KCNIP4: variants seen among roughly 807,000 people sequenced by gnomAD.
KCNIP4 encodes Kv channel-interacting protein 4.
Under a neutral mutation model 34.0 loss-of-function variants are expected in KCNIP4, and 12 were observed. That is an observed-to-expected ratio of 0.35 (90% CI 0.23 to 0.57). KCNIP4 has a LOEUF of 0.57. Among genes scored for constraint, KCNIP4 ranks in the 20% least tolerant of loss-of-function variants. The pLI is 0.83. For missense variants in KCNIP4, 238 were observed against 311.7 expected, an observed-to-expected ratio of 0.76 and a Z score of 1.78; for synonymous variants, 124 against 102.2, an observed-to-expected ratio of 1.21 and a Z score of -1.29.
intron 1 of KCNIP4, among the ~76,000 whole-genome samples, chr4:21,514,378 C>A (rs1005196639): frequency 2.5e-4 from 38 of 152,028 alleles, no homozygotes; most frequent in African/African-American, 8.5e-4. Context: ...TTGCTACAAG[C>A]CTAATGTTTT....
At chr4:21,268,265 T>G (rs1761938147) in intron 1 of KCNIP4, among the ~76,000 whole-genome samples, 1 of 152,150 alleles carries the variant, frequency 6.6e-6, no homozygotes, top group African/African-American at 2.4e-5. Context: ...TATTTTGAAA[T>G]GACTCTTTGC....
intron 1 of KCNIP4, among the ~76,000 whole-genome samples, chr4:21,113,310 A>G (rs770959615): frequency 8.5e-5 from 13 of 152,218 alleles, no homozygotes; most frequent in Non-Finnish European, 1.6e-4. Flanking sequence ...AATTCAGCTG[A>G]GGCAAACAGC....
chr4:21,219,174 G>C (rs558987978), intron 1 of KCNIP4, among the ~76,000 whole-genome samples: 2 of 152,218 alleles, frequency 1.3e-5, no homozygotes, highest in South Asian at 4.1e-4. Context: ...CTGTGGCTGG[G>C]GTTCTGATGG....
chr4:20,867,203 C>CA (rs1722962180), intron 2 of KCNIP4, among the ~76,000 whole-genome samples: 5 of 151,916 alleles, frequency 3.3e-5, no homozygotes. Flanking sequence ...ATAGCCAAAG[C>CA]AATCCTATAA....
chr4:21,460,950 A>G (rs6830022), intron 1 of KCNIP4, among the ~76,000 whole-genome samples: 58,930 of 151,876 alleles, frequency 0.39, 11,609 homozygotes, highest in African/African-American at 0.46. Context: ...TGTCTGCAAT[A>G]AGAGAAATAC....
chr4:20,990,995 C>T (rs1577497215), intron 1 of KCNIP4, among the ~76,000 whole-genome samples: 1 of 152,150 alleles, frequency 6.6e-6, no homozygotes, highest in Non-Finnish European at 1.5e-5. Context: ...TGAGTTGTCG[C>T]AATATCTCAA....
At chr4:21,518,638 G>A (rs985796187) in intron 1 of KCNIP4, among the ~76,000 whole-genome samples, 2 of 152,122 alleles carry the variant, frequency 1.3e-5, no homozygotes, top group East Asian at 1.9e-4. Flanking sequence ...CTGTGGTGGA[G>A]AAGAGTCATT....
At chr4:21,816,381 G>A (rs1470849891) in intron 1 of KCNIP4, among the ~76,000 whole-genome samples, 2 of 152,050 alleles carry the variant, frequency 1.3e-5, no homozygotes, top group African/African-American at 2.4e-5. Flanking sequence ...TTGTAAGGGA[G>A]ACACTTAAAA....
intron 1 of KCNIP4, among the ~76,000 whole-genome samples, chr4:21,113,684 C>G (rs750753361): frequency 6.6e-6 from 1 of 152,042 alleles, no homozygotes; most frequent in African/African-American, 2.4e-5. Context: ...GGATTGAATC[C>G]AAATTTGAGC....
chr4:20,948,162 T>G (rs1055179404), intron 1 of KCNIP4, among the ~76,000 whole-genome samples: 2 of 152,198 alleles, frequency 1.3e-5, no homozygotes, highest in African/African-American at 4.8e-5. Flanking sequence ...GCTCCAGATT[T>G]GGACCTTATT....
intron 1 of KCNIP4, among the ~76,000 whole-genome samples, chr4:21,011,681 A>G (rs1183698426): frequency 6.6e-6 from 1 of 152,198 alleles, no homozygotes; most frequent in Admixed American, 6.5e-5. Context: ...TTATCTCCAA[A>G]TCAACAAAAA....
chr4:21,427,472 T>C (rs866504743), intron 1 of KCNIP4, among the ~76,000 whole-genome samples: 32 of 152,180 alleles, frequency 2.1e-4, no homozygotes, highest in African/African-American at 7.5e-4. Context: ...CAGTCTTCCC[T>C]ACACTGCACT....
chr4:21,407,785 C>T (rs560508721), intron 1 of KCNIP4, among the ~76,000 whole-genome samples: 18 of 152,240 alleles, frequency 1.2e-4, no homozygotes, highest in African/African-American at 3.8e-4. Flanking sequence ...TGAGAAAGTC[C>T]TGCTTTTTGG....
intron 1 of KCNIP4, among the ~76,000 whole-genome samples, chr4:21,240,334 C>T (rs1023371934): frequency 3.6e-4 from 55 of 151,164 alleles, no homozygotes; most frequent in African/African-American, 1.2e-3. Context: ...TGTAACAAAA[C>T]CTGCACATTG....
At chr4:21,247,865 T>TATACACAC (rs1553845757) in intron 1 of KCNIP4, among the ~76,000 whole-genome samples, 6 of 122,428 alleles carry the variant, frequency 4.9e-5, no homozygotes, top group African/African-American at 1.7e-4. Flanking sequence ...TATATATATA[T>TATACACAC]ACACACACAC....
chr4:21,780,281 G>T (rs888163288), intron 1 of KCNIP4, among the ~76,000 whole-genome samples: 2 of 152,142 alleles, frequency 1.3e-5, no homozygotes, highest in Non-Finnish European at 2.9e-5. Context: ...TGATTTGCTT[G>T]CCCAACTCCC....
chr4:21,311,968 T>C (rs185676621), intron 1 of KCNIP4, among the ~76,000 whole-genome samples: 1 of 152,292 alleles, frequency 6.6e-6, no homozygotes, highest in East Asian at 1.9e-4. Context: ...AGTTCTAGAC[T>C]AGTCTAGTCT....
intron 3 of KCNIP4, among the ~76,000 whole-genome samples, chr4:20,805,098 T>C (rs1311645842): frequency 1.3e-5 from 2 of 150,786 alleles, no homozygotes; most frequent in East Asian, 4.0e-4. Context: ...ATTTAGCTCC[T>C]ACTAAAGGCA....
chr4:21,490,192 G>A (rs1732272602), intron 1 of KCNIP4, among the ~76,000 whole-genome samples: 1 of 151,950 alleles, frequency 6.6e-6, no homozygotes, highest in Admixed American at 6.6e-5. Flanking sequence ...CTTATAGGTT[G>A]GGAACATTGG....
Sources: allele counts gnomAD v4.1 joint callset (sites outside exome capture counted in the v4.1 genomes callset), GRCh38; gene constraint gnomAD v4.1.1; transcripts MANE v1.5; gene names NCBI Gene and HGNC (gene_info 2026-07-23, HGNC 2026-07-21).